The following SHTN1 variants were observed in gnomAD, a reference collection of about 807,000 sequenced individuals.
SHTN1 encodes the protein shootin 1.
In SHTN1, 42 loss-of-function variants were observed where a neutral mutation model predicts 83.1. The ratio of observed to expected loss-of-function variants is 0.51; its 90% confidence interval spans 0.39 to 0.65. SHTN1 has a LOEUF of 0.65. Ranked by LOEUF, SHTN1 falls within the 30% of genes least tolerant of loss-of-function variation. The probability of loss-of-function intolerance (pLI) is 0.00; values close to 1 mark genes in which losing one functional copy is unlikely to be tolerated. For synonymous variants in SHTN1, 224 were observed against 247.7 expected, an observed-to-expected ratio of 0.90 and a Z score of 0.90; for missense variants, 622 against 737.8, an observed-to-expected ratio of 0.84 and a Z score of 1.82.
In SHTN1 at chr10:116,927,909, A is replaced by G. The variant is rs775547629; in HGVS notation, c.1013-18T>C. The G allele has an allele frequency of 6.2e-7, 1 of 1,612,232 alleles. No homozygotes were observed. The highest frequency in any genetic ancestry group is 8.5e-7 in the Non-Finnish European group (1 of 1,179,144). On this transcript the variant is annotated intron_variant, in intron 10 of 16. Coordinates refer to ENST00000355371, the MANE Select transcript of SHTN1 (RefSeq NM_001127211.3). The stretch of plus-strand genomic sequence containing the variant: ...TTCATCAACTGCACAGAGAGCAAAC[A>G]TTCAGAAGAGAGCTGAAATAAGCAA...
chr10:117,052,970 A>T (rs1852769707), intron 1 of SHTN1, among the ~76,000 whole-genome samples: 1 of 136,742 alleles, frequency 7.3e-6, no homozygotes, highest in African/African-American at 2.6e-5. Flanking sequence ...CAGTGAGCCA[A>T]GATCATGCCA....
chr10:117,014,468 G>A (rs1564931080), intron 2 of SHTN1, among the ~76,000 whole-genome samples: 1 of 152,160 alleles, frequency 6.6e-6, no homozygotes, highest in Non-Finnish European at 1.5e-5. Context: ...GACACCGTAA[G>A]GCTGAAGACA....
intron 1 of SHTN1, among the ~76,000 whole-genome samples, chr10:117,076,692 T>C (rs1434584800): frequency 3.3e-5 from 5 of 152,212 alleles, no homozygotes; most frequent in African/African-American, 1.2e-4. Context: ...TGGCTCAAAG[T>C]TGGGGCTTCT....
At chr10:117,019,312 T>G (rs1852228258) in intron 2 of SHTN1, among the ~76,000 whole-genome samples, 1 of 151,048 alleles carries the variant, frequency 6.6e-6, no homozygotes, top group Non-Finnish European at 1.5e-5. Context: ...GCCTCCAGAG[T>G]AGATGAGACC....
intron 1 of SHTN1, among the ~76,000 whole-genome samples, chr10:117,065,024 G>A (rs997952774): frequency 6.6e-6 from 1 of 152,124 alleles, no homozygotes; most frequent in Non-Finnish European, 1.5e-5. Context: ...AAGAAAGGTG[G>A]ACTACATCAT....
chr10:116,994,230 C>G (rs973949312), intron 1 of SHTN1, among the ~76,000 whole-genome samples: 1 of 151,772 alleles, frequency 6.6e-6, no homozygotes, highest in Admixed American at 6.6e-5. Flanking sequence ...GTGATTTTGT[C>G]TAAGTAGATG....
intron 1 of SHTN1, among the ~76,000 whole-genome samples, chr10:117,117,349 CAAAG>C (rs1188952557): frequency 2.0e-5 from 3 of 151,940 alleles, no homozygotes; most frequent in African/African-American, 7.3e-5. Flanking sequence ...TCAATTTAAA[CAAAG>C]AAGTGAAAGA....
intron 1 of SHTN1, among the ~76,000 whole-genome samples, chr10:116,991,488 C>T (rs184746650): frequency 3.9e-5 from 6 of 152,054 alleles, no homozygotes; most frequent in South Asian, 4.2e-4. Flanking sequence ...AGCGATCATA[C>T]GGTGAGAGAG....
intron 11 of SHTN1, among the ~76,000 whole-genome samples, chr10:116,925,616 A>G (rs545519026): frequency 6.6e-6 from 1 of 152,172 alleles, no homozygotes; most frequent in Non-Finnish European, 1.5e-5. Flanking sequence ...ATCTGTATCT[A>G]TAGATATACA....
At chr10:117,085,849 CCT>C (rs1853342419) in intron 1 of SHTN1, among the ~76,000 whole-genome samples, 1 of 151,222 alleles carries the variant, frequency 6.6e-6, no homozygotes, top group Non-Finnish European at 1.5e-5. Context: ...CAGATTGACC[CCT>C]TTTATATTAT....
intron 1 of SHTN1, among the ~76,000 whole-genome samples, chr10:117,098,644 A>G (rs532407748): frequency 1.2e-4 from 19 of 152,274 alleles, no homozygotes; most frequent in South Asian, 8.3e-4. Context: ...CACTCTGAAT[A>G]TGAGCATCGA....
chr10:117,077,603 T>C (rs545522279), intron 1 of SHTN1, among the ~76,000 whole-genome samples: 1 of 152,250 alleles, frequency 6.6e-6, no homozygotes, highest in Admixed American at 6.5e-5. Context: ...ACATTAGGTA[T>C]ATCTCCTAAT....
Position 117,078,767 on chromosome 10 carries a change from A to G in SHTN1, c.-188-30257T>C, listed in dbSNP as rs567067102. Among the ~76,000 whole-genome samples the G allele has an allele frequency of 2.0e-5, 3 of 152,192 alleles. No homozygotes were observed. In the South Asian group the frequency reaches 6.2e-4, roughly 31 times the overall value. The stretch of plus-strand genomic sequence containing the variant: ...GAAGAGTAAAAACATGTAGGTAAAT[A>G]TAAATAAATTATTTATTTAATATAT... On this transcript the variant is annotated intron_variant, in intron 1 of 17. Transcript: ENST00000392901.
intron 1 of SHTN1, among the ~76,000 whole-genome samples, chr10:117,053,443 T>C (rs1052172021): frequency 6.6e-6 from 1 of 152,088 alleles, no homozygotes; most frequent in Admixed American, 6.5e-5. Context: ...AATTTAAAAA[T>C]GGGGAAAGGA....
At position 116,940,411 on chromosome 10, in the gene SHTN1, G is replaced by A. The variant is rs571232549; in HGVS notation, c.858+55C>T. 1.2e-4 allele frequency: 183 copies of A among 1,518,446 alleles called. No individual in the cohort carries two copies. The African/African-American group carries it at 2.3e-3, about 19-fold the overall frequency. The allele number at this position is 1,518,446 out of a possible 1,614,324, so 94.1% of individuals were successfully genotyped here. ...CTGGCTCCCTTCATCTTAAATATAT[G>A]TGTGTATGCATGTATGTGTGTGTGT... On this transcript the variant is annotated intron_variant, in intron 9 of 16. Transcript: ENST00000355371.
chr10:117,099,443 T>C (rs1853557182), intron 1 of SHTN1, among the ~76,000 whole-genome samples: 2 of 152,190 alleles, frequency 1.3e-5, no homozygotes, highest in Non-Finnish European at 2.9e-5. Flanking sequence ...AATTATTTGA[T>C]GGAGGCCTAG....
intron 16 of SHTN1, among the ~76,000 whole-genome samples, chr10:116,892,811 T>G (rs1251405539): frequency 1.3e-5 from 2 of 152,118 alleles, no homozygotes; most frequent in African/African-American, 4.8e-5. Flanking sequence ...TTCTTCTATT[T>G]GAATAAAAAA....
Position 117,122,177 on chromosome 10 carries a change from ATTGT to A in SHTN1, c.-189+4126_-189+4129del, listed in dbSNP as rs201182445. Among the ~76,000 whole-genome samples the A allele has an allele frequency of 7.6e-3, 1,159 of 152,066 alleles. 13 individuals carry two copies. The highest frequency in any genetic ancestry group is 0.026 in the African/African-American group (1,060 of 41,466). The stretch of plus-strand genomic sequence containing the variant: ...ATTTTTTATTTTCATATTGCTATTT[ATTGT>A]TTGTTTGTTTTGAGACATGGTCTCA... On this transcript the variant is annotated intron_variant, in intron 1 of 17. Coordinates refer to the SHTN1 transcript ENST00000392901.
Position 116,929,876 on chromosome 10 carries a change from C to T in SHTN1, c.985G>A (p.Glu329Lys). The T allele has an allele frequency of 6.2e-7, 1 of 1,606,574 alleles. No individual in the cohort carries two copies. The highest frequency in any genetic ancestry group is 8.5e-7 in the Non-Finnish European group (1 of 1,177,524). The change falls in exon 10 of 17, where the codon GAG becomes AAG. Residue 329 changes from glutamate (E) to lysine (K), a missense_variant. Coordinates refer to ENST00000355371, the MANE Select transcript of SHTN1 (RefSeq NM_001127211.3). ...ELELKYQNSEEKARNLKHSVD... is the reference protein window; with the variant it reads ...ELELKYQNSEKKARNLKHSVD... ...GAGTGCTTTAAATTTCTGGCTTTCT[C>T]TTCAGAATTCTGATATTTCAATTCC...
Sources: allele counts gnomAD v4.1 joint callset (sites outside exome capture counted in the v4.1 genomes callset), GRCh38; gene constraint gnomAD v4.1.1; transcripts MANE v1.5; gene names NCBI Gene and HGNC (gene_info 2026-07-23, HGNC 2026-07-21).